SLC4A4: variants seen among roughly 807,000 people sequenced by gnomAD.
The protein encoded by SLC4A4 is electrogenic sodium bicarbonate cotransporter 1.
In SLC4A4, 27 loss-of-function variants were observed where a neutral mutation model predicts 111.5. The observed-to-expected ratio is 0.24, with a 90% CI of 0.18 to 0.33. SLC4A4 has a LOEUF of 0.33. SLC4A4 is among the 10% of genes least tolerant of loss of function. SLC4A4 has a pLI of 1.00. For missense variants in SLC4A4, 909 were observed against 1,315.5 expected (o/e 0.69, Z 4.78); for synonymous variants, 443 against 463.4 (o/e 0.96, Z 0.57).
chr4:71,315,485 G>A (rs1164928464), intron 3 of SLC4A4, among the ~76,000 whole-genome samples: 1 of 152,134 alleles, frequency 6.6e-6, no homozygotes, highest in African/African-American at 2.4e-5. Flanking sequence ...TTCAGGTCAA[G>A]CCATTGCCAA....
At position 71,388,970 on chromosome 4, in the gene SLC4A4, G is replaced by A. The variant is rs368780107; in HGVS notation, c.731-8607G>A. ...GTTGAAATTGGAAAGAATTAGAAGC[G>A]GTGAAATTTTTGTATTTGATATTGA... is the stretch of plus-strand genomic sequence containing the variant. On this transcript the variant is annotated intron_variant, in intron 6 of 25. Transcript: ENST00000264485. Among the ~76,000 whole-genome samples the A allele has an allele frequency of 2.4e-4, 37 of 152,204 alleles. No individual in the cohort carries two copies. The South Asian group carries it at 3.1e-3, about 13-fold the overall frequency.
At chr4:71,123,107 G>T (rs1414734415) in intron 2 of SLC4A4, among the ~76,000 whole-genome samples, 1 of 152,138 alleles carries the variant, frequency 6.6e-6, no homozygotes, top group East Asian at 1.9e-4. Context: ...ATGGTATAAT[G>T]AAAAGTTTTA....
chr4:71,278,666 T>C lies in SLC4A4; in HGVS notation c.253+23267T>C, dbSNP rs181523015. ...GATGTGACAGATGTCTTATTGTGGTTTTAATTTGCATTTCCCTGATGATTA... is the reference window on the plus strand; with the variant it reads ...GATGTGACAGATGTCTTATTGTGGTCTTAATTTGCATTTCCCTGATGATTA... On this transcript the variant is annotated intron_variant, in intron 3 of 25. Coordinates refer to ENST00000264485, the MANE Select transcript of SLC4A4 (RefSeq NM_001098484.3). 8.8e-4 allele frequency among the ~76,000 whole-genome samples: 134 copies of C among 152,340 alleles called. 1 individual carries two copies. The highest frequency in any genetic ancestry group is 2.9e-3 in the African/African-American group (120 of 41,586).
At chr4:71,137,961 T>C (rs1267192884) in intron 2 of SLC4A4, among the ~76,000 whole-genome samples, 3 of 152,198 alleles carry the variant, frequency 2.0e-5, no homozygotes, top group Non-Finnish European at 4.4e-5. Flanking sequence ...CACTGGGGGC[T>C]TCTCTTTTGT....
At chr4:71,484,505 C>G (rs1729186104) in intron 14 of SLC4A4, among the ~76,000 whole-genome samples, 1 of 151,808 alleles carries the variant, frequency 6.6e-6, no homozygotes, top group South Asian at 2.1e-4. Context: ...TCTGGATTCT[C>G]TATTCTGATC....
intron 1 of SLC4A4, among the ~76,000 whole-genome samples, chr4:71,217,488 G>A (rs1344490837): frequency 6.6e-6 from 1 of 152,140 alleles, no homozygotes; most frequent in Non-Finnish European, 1.5e-5. Flanking sequence ...GCTTGAACCT[G>A]GGAGGTGGAG....
chr4:71,564,604 A>G (rs1737299938), intron 24 of SLC4A4, among the ~76,000 whole-genome samples: 1 of 151,448 alleles, frequency 6.6e-6, no homozygotes, highest in Non-Finnish European at 1.5e-5. Context: ...AGCAGGTAGC[A>G]ATTGCCATCA....
At chr4:71,198,646 A>T (rs1234931567) in intron 1 of SLC4A4, among the ~76,000 whole-genome samples, 1 of 152,106 alleles carries the variant, frequency 6.6e-6, no homozygotes, top group Non-Finnish European at 1.5e-5. Flanking sequence ...AAATCCAAGA[A>T]TATCAGAACT....
intron 7 of SLC4A4, among the ~76,000 whole-genome samples, chr4:71,421,266 A>C (rs1722459496): frequency 6.6e-6 from 1 of 152,242 alleles, no homozygotes; most frequent in Non-Finnish European, 1.5e-5. Context: ...TAAAGAGATT[A>C]ATTCAACAAG....
At chr4:71,408,346 T>C (rs577619563) in intron 7 of SLC4A4, among the ~76,000 whole-genome samples, 32 of 152,320 alleles carry the variant, frequency 2.1e-4, no homozygotes, top group African/African-American at 7.2e-4. Context: ...TTCTACTGAG[T>C]TGTTTTGTGA....
chr4:71,458,460 T>C (rs1229510945), intron 12 of SLC4A4, among the ~76,000 whole-genome samples: 7 of 152,068 alleles, frequency 4.6e-5, no homozygotes, highest in Non-Finnish European at 8.8e-5. Flanking sequence ...GAAAGTAATT[T>C]TAATTTTTTT....
intron 16 of SLC4A4, among the ~76,000 whole-genome samples, chr4:71,498,599 A>G (rs1482365773): frequency 2.0e-5 from 3 of 152,200 alleles, no homozygotes; most frequent in Non-Finnish European, 4.4e-5. Context: ...AAATGAAAAT[A>G]TATTTACTTT....
chr4:71,348,638 C>T (rs965438796), intron 4 of SLC4A4, among the ~76,000 whole-genome samples: 5 of 152,120 alleles, frequency 3.3e-5, no homozygotes, highest in East Asian at 1.9e-4. Flanking sequence ...TCTTTAGATA[C>T]GGCTAAAATA....
At chr4:71,432,638 T>C (rs1723744775) in intron 7 of SLC4A4, among the ~76,000 whole-genome samples, 2 of 152,126 alleles carry the variant, frequency 1.3e-5, no homozygotes, top group South Asian at 4.1e-4. Flanking sequence ...TTTGCTTTTT[T>C]TTCTTTTTCC....
At chr4:71,321,937 T>C (rs1161209911) in intron 3 of SLC4A4, among the ~76,000 whole-genome samples, 1 of 152,056 alleles carries the variant, frequency 6.6e-6, no homozygotes, top group Admixed American at 6.6e-5. Flanking sequence ...GGATCTGTTA[T>C]ATTTATTTTT....
At chr4:71,251,932 G>T (rs1329886815) in intron 2 of SLC4A4, among the ~76,000 whole-genome samples, 1 of 152,002 alleles carries the variant, frequency 6.6e-6, no homozygotes, top group East Asian at 1.9e-4. Flanking sequence ...CCCTTGCTGG[G>T]TTGGAAAGCT....
intron 3 of SLC4A4, among the ~76,000 whole-genome samples, chr4:71,304,642 T>A (rs921190092): frequency 6.6e-6 from 1 of 152,234 alleles, no homozygotes; most frequent in Non-Finnish European, 1.5e-5. Flanking sequence ...ACATAATTGC[T>A]GTTATAAAAG....
chr4:71,065,414 G>C (rs1277724723), intron 1 of SLC4A4, among the ~76,000 whole-genome samples: 1 of 139,940 alleles, frequency 7.1e-6, no homozygotes, highest in Non-Finnish European at 1.7e-5. Flanking sequence ...CATATAATGA[G>C]AAAGTTATAC....
At chr4:71,362,346 G>A (rs1240187761) in intron 6 of SLC4A4, among the ~76,000 whole-genome samples, 1 of 152,074 alleles carries the variant, frequency 6.6e-6, no homozygotes, top group Non-Finnish European at 1.5e-5. Flanking sequence ...ATAAAAAATT[G>A]GAAAGATAAT....
Sources: allele counts gnomAD v4.1 joint callset (sites outside exome capture counted in the v4.1 genomes callset), GRCh38; gene constraint gnomAD v4.1.1; transcripts MANE v1.5; gene names NCBI Gene and HGNC (gene_info 2026-07-23, HGNC 2026-07-21).